The following SPIDR variants were observed in gnomAD, a reference collection of about 807,000 sequenced individuals.
The protein encoded by SPIDR is scaffold protein involved in DNA repair.
Under a neutral mutation model 104.6 loss-of-function variants are expected in SPIDR, and 93 were observed. The ratio of observed to expected loss-of-function variants is 0.89; its 90% CI spans 0.75 to 1.06. The LOEUF (loss-of-function observed/expected upper bound fraction) is 1.06. Among genes scored for constraint, SPIDR ranks in the 50% least tolerant of loss-of-function variants. SPIDR has a pLI of 0.00. For synonymous variants in SPIDR, 431 were observed against 416.9 expected (o/e 1.03, Z -0.41); for missense variants, 1,154 against 1,111.2 (o/e 1.04, Z -0.55).
At chr8:47,421,521 T>A (rs1414383457) in intron 7 of SPIDR, among the ~76,000 whole-genome samples, 2 of 152,202 alleles carry the variant, frequency 1.3e-5, no homozygotes, top group Non-Finnish European at 2.9e-5. Flanking sequence ...CTAATCTTTT[T>A]TCAAGGTTTT....
At chr8:47,428,271 A>G (rs2066769523) in intron 7 of SPIDR, among the ~76,000 whole-genome samples, 1 of 152,208 alleles carries the variant, frequency 6.6e-6, no homozygotes, top group Admixed American at 6.5e-5. Flanking sequence ...AGGAGGGTGA[A>G]CAAAGAATCC....
At chr8:47,714,010 A>AGAGCAGGACTTC (rs1337563147) in intron 16 of SPIDR, among the ~76,000 whole-genome samples, 1 of 152,192 alleles carries the variant, frequency 6.6e-6, no homozygotes, top group Non-Finnish European at 1.5e-5. Context: ...TCCTGGGAAG[A>AGAGCAGGACTTC]GAGCAGGACT....
intron 10 of SPIDR, among the ~76,000 whole-genome samples, chr8:47,607,211 AT>A (rs1013446596): frequency 4.6e-5 from 7 of 151,898 alleles, no homozygotes; most frequent in African/African-American, 7.2e-5. Flanking sequence ...GCAGAGTATC[AT>A]TTTTTTTGCA....
chr8:47,595,804 T>C lies in SPIDR; in HGVS notation c.1098-7T>C, dbSNP rs1284373179. On this transcript the variant is annotated splice_region_variant and splice_polypyrimidine_tract_variant and intron_variant, in intron 8 of 19. Transcript: ENST00000297423. Reference sequence around the variant, plus strand: ...AAGAAACTGTTGCATGTCTTTCTCTTTTCCAGGCAAAAACTGATTATTCCA... The same window carrying C: ...AAGAAACTGTTGCATGTCTTTCTCTCTTCCAGGCAAAAACTGATTATTCCA... The C allele has an allele frequency of 1.9e-6, 3 of 1,613,240 alleles. No homozygotes were observed. Among genetic ancestry groups the C allele is most frequent in the Non-Finnish European group, 2.5e-6 (3 of 1,179,804 alleles).
intron 8 of SPIDR, among the ~76,000 whole-genome samples, chr8:47,509,922 A>G (rs1162024181): frequency 1.3e-5 from 2 of 152,110 alleles, no homozygotes; most frequent in Non-Finnish European, 2.9e-5. Context: ...ACACATGCAC[A>G]CACACACACA....
chr8:47,440,314 A>C lies in SPIDR; in HGVS notation c.878-9A>C, dbSNP rs782019847. 6.2e-7 allele frequency: 1 copy of C among 1,611,714 alleles called. No homozygotes were observed. Among genetic ancestry groups the C allele is most frequent in the Non-Finnish European group, 8.5e-7 (1 of 1,178,022 alleles). The stretch of plus-strand genomic sequence containing the variant: ...TCATTTTTGCTTTGTTCTTTTCTTC[A>C]ACTTCTAGGTAGAAAATCTGGTGTA... On this transcript the variant is annotated splice_polypyrimidine_tract_variant and intron_variant, in intron 7 of 19. Coordinates refer to ENST00000297423, the MANE Select transcript of SPIDR (RefSeq NM_001080394.4).
At chr8:47,451,269 C>T (rs185688059) in intron 8 of SPIDR, among the ~76,000 whole-genome samples, 16 of 152,092 alleles carry the variant, frequency 1.1e-4, no homozygotes, top group African/African-American at 3.4e-4. Context: ...GCTGAAAGTA[C>T]AATAATTTAA....
At chr8:47,380,274 G>T (rs1306322455) in intron 5 of SPIDR, among the ~76,000 whole-genome samples, 4 of 152,210 alleles carry the variant, frequency 2.6e-5, no homozygotes, top group Non-Finnish European at 5.9e-5. Flanking sequence ...TCACTGAGCA[G>T]GTTTTAAAAC....
At chr8:47,632,979 AT>A (rs2067301241) in intron 10 of SPIDR, among the ~76,000 whole-genome samples, 4 of 152,220 alleles carry the variant, frequency 2.6e-5, no homozygotes, top group Admixed American at 1.3e-4. Flanking sequence ...CAACAAGGGC[AT>A]AAGGCAATTT....
chr8:47,596,608 G>A (rs1462100094), intron 9 of SPIDR, among the ~76,000 whole-genome samples: 1 of 152,122 alleles, frequency 6.6e-6, no homozygotes, highest in Non-Finnish European at 1.5e-5. Context: ...GAAGGCCTCG[G>A]ACACTACTGT....
In SPIDR at chr8:47,713,654, C is replaced by A; in HGVS notation, c.2341+13C>A. 6.2e-7 allele frequency: 1 copy of A among 1,613,756 alleles called. No homozygotes were observed. Among genetic ancestry groups the A allele is most frequent in the Non-Finnish European group, 8.5e-7 (1 of 1,179,784 alleles). ...TGCAGTGTTCAAGGTAGGCAGCCATCTCACAGGAATTGGTGCTTATACTTT... is the reference window on the plus strand; with the variant it reads ...TGCAGTGTTCAAGGTAGGCAGCCATATCACAGGAATTGGTGCTTATACTTT... On this transcript the variant is annotated intron_variant, in intron 16 of 19. Transcript: ENST00000297423.
At chr8:47,415,307 C>T (rs183322095) in intron 7 of SPIDR, among the ~76,000 whole-genome samples, 28 of 152,230 alleles carry the variant, frequency 1.8e-4, no homozygotes, top group Admixed American at 8.5e-4. Flanking sequence ...CAGTTTCCCC[C>T]GGTAATGACA....
intron 8 of SPIDR, among the ~76,000 whole-genome samples, chr8:47,470,739 ACT>A (rs1195887588): frequency 6.0e-5 from 9 of 150,204 alleles, no homozygotes; most frequent in Admixed American, 4.6e-4. Context: ...AAAGACTAAA[ACT>A]CTTTTTTTTT....
intron 8 of SPIDR, among the ~76,000 whole-genome samples, chr8:47,449,877 A>T (rs2071375562): frequency 6.6e-6 from 1 of 152,230 alleles, no homozygotes; most frequent in African/African-American, 2.4e-5. Flanking sequence ...TATAAGCAAT[A>T]GAAATTTGTC....
chr8:47,583,507 G>T (rs1000764292), intron 8 of SPIDR, among the ~76,000 whole-genome samples: 1 of 152,052 alleles, frequency 6.6e-6, no homozygotes, highest in African/African-American at 2.4e-5. Context: ...CTTTTTGTTT[G>T]TCATATAACA....
chr8:47,261,499 G>A (rs28617698), intron 1 of SPIDR, among the ~76,000 whole-genome samples: 5,203 of 152,308 alleles, frequency 0.034, 159 homozygotes, highest in Admixed American at 0.088. Flanking sequence ...CCTAGGAATC[G>A]TTGCTTGAAT....
intron 10 of SPIDR, among the ~76,000 whole-genome samples, chr8:47,658,067 A>G (rs2073244372): frequency 6.6e-6 from 1 of 151,518 alleles, no homozygotes; most frequent in African/African-American, 2.4e-5. Context: ...AAAAAGAAAA[A>G]AAAAGGCAAA....
rs1023531593 is a variant in SPIDR at position 47,288,530 on chromosome 8, C to A, written c.257-2503C>A. On this transcript the variant is annotated intron_variant, in intron 3 of 19. Transcript: ENST00000297423. ...TGAACTTCTGACCTCGTGATCCACC[C>A]ACCTCGGCCTCCCGAAGTCTAGGAT... 4.6e-5 allele frequency among the ~76,000 whole-genome samples: 7 copies of A among 152,306 alleles called. No homozygotes were observed. The East Asian group carries it at 7.7e-4, about 17-fold the overall frequency.
chr8:47,356,583 C>T (rs1252673557), intron 5 of SPIDR, among the ~76,000 whole-genome samples: 2 of 152,096 alleles, frequency 1.3e-5, no homozygotes, highest in African/African-American at 2.4e-5. Context: ...GGATTATATA[C>T]GATAGTTAAA....
Sources: gnomAD v4.1 joint callset for allele counts (sites outside exome capture counted in the v4.1 genomes callset) on GRCh38, gnomAD v4.1.1 for gene constraint, MANE v1.5 for transcripts, NCBI Gene and HGNC (gene_info 2026-07-23, HGNC 2026-07-21) for gene names.